CRB2: variants seen among roughly 807,000 people sequenced by gnomAD.
CRB2 encodes crumbs cell polarity complex component 2, also known as protein crumbs homolog 2.
Under a neutral mutation model 110.9 loss-of-function variants are expected in CRB2, and 85 were observed. That is an observed-to-expected ratio of 0.77 (90% CI 0.64 to 0.92). The LOEUF is 0.92. Among genes scored for constraint, CRB2 ranks in the 40% least tolerant of loss-of-function variants. The pLI is 0.00. For missense variants in CRB2, 1,843 were observed against 1,851.3 expected, an observed-to-expected ratio of 1.00 and a Z score of 0.08; for synonymous variants, 907 against 831.0, an observed-to-expected ratio of 1.09 and a Z score of -1.57.
intron 1 of CRB2, among the ~76,000 whole-genome samples, chr9:123,358,696 C>G (rs962803776): frequency 3.9e-5 from 6 of 152,200 alleles, no homozygotes; most frequent in African/African-American, 1.4e-4. Flanking sequence ...GATGGCCAGT[C>G]CCAGAGCCAG....
rs373493381 is a variant in CRB2 at position 123,373,705 on chromosome 9, C to A, written c.3174C>A (p.Pro1058=). The change falls in exon 10 of 13, where the codon CCC becomes CCA. Residue 1058 remains proline (P), a synonymous_variant. Transcript: ENST00000373631. The stretch of plus-strand genomic sequence containing the variant: ...CGATCCTCGGCTGCCGCGGCGCGCC[C>A]GTGTGTGCGCCCTCGCCCTGTCTGC... The part of the protein sequence containing the change: ...PAPILGCRGA[P]VCAPSPCLHD... The A allele has an allele frequency of 2.1e-5, 32 of 1,508,872 alleles. No individual in the cohort carries two copies. The African/African-American group carries it at 3.8e-4, about 18-fold the overall frequency. The allele number at this position is 1,508,872 out of a possible 1,614,324, so 93.5% of individuals were successfully genotyped here.
At chr9:123,374,488 G>C in intron 10 of CRB2, 91 bp from the exon 11 acceptor site, 3 of 868,402 alleles carry the variant, frequency 3.5e-6, no homozygotes, top group Non-Finnish European at 5.6e-6. Context: ...CCATACATGA[G>C]AACACAAGCT....
chr9:123,377,112 C>T lies in CRB2; in HGVS notation c.*50C>T, dbSNP rs1473812512. ...ACCTGGAGGTCCTGAATGGTTTCTA[C>T]CTGGAGACCCAAGGAAGCTGCTTCC... On this transcript the variant is annotated 3_prime_UTR_variant, in exon 13 of 13. Transcript: ENST00000373631. 1.4e-6 allele frequency: 2 copies of T among 1,440,622 alleles called. No individual in the cohort carries two copies. The highest frequency in any genetic ancestry group is 9.3e-7 in the Non-Finnish European group (1 of 1,080,834). The allele number at this position is 1,440,622 out of a possible 1,614,324, so 89.2% of individuals were successfully genotyped here. A position where few individuals can be genotyped will look rare whatever the true frequency, so the allele number is the denominator to read the frequency against.
rs2041885031 is a variant in CRB2 at position 123,362,944 on chromosome 9, T to C, written c.174T>C (p.Ser58=). 4 of 1,604,486 alleles carry C rather than the reference T, an allele frequency of 2.5e-6. No individual in the cohort carries two copies. The South Asian group carries it at 4.4e-5, about 18-fold the overall frequency. The change falls in exon 2 of 13, where the codon AGT becomes AGC. Residue 58 remains serine, a synonymous_variant. Coordinates refer to ENST00000373631, the MANE Select transcript of CRB2 (RefSeq NM_173689.7). ...APGTECQATE[S]GGYTCGPMEP... ...GGACCGAGTGCCAGGCTACCGAGAG[T>C]GGTGGCTATACCTGTGGGCCCATGG...
rs773244333 is a variant in CRB2 at position 123,363,086 on chromosome 9, G to A, written c.316G>A (p.Glu106Lys). 5.6e-6 allele frequency: 9 copies of A among 1,611,606 alleles called. No individual in the cohort carries two copies. Among genetic ancestry groups the A allele is most frequent in the South Asian group, 1.1e-5 (1 of 91,082 alleles). Residue 106 changes from glutamate (E) to lysine (K), a missense_variant, in exon 2 of 13, where the codon GAG becomes AAG. Transcript: ENST00000373631. ...CVPGFQGPRC[E>K]LDIDECASRP... ...GCCGGGTTTCCAGGGCCCACGCTGC[G>A]AGCTGGACATCGATGAGTGTGCATC...
chr9:123,373,191 C>T lies in CRB2; in HGVS notation c.2660C>T (p.Ala887Val), dbSNP rs878863391. ...CCCGCCGCGTTCAGCGGGCACAACG[C>T]GTCGTCAGGGCGCTTGCTCGGCGGC... The part of the protein sequence containing the change: ...GPPAAFSGHN[A>V]SSGRLLGGLS... The change falls in exon 10 of 13, where the codon GCG (alanine) becomes GTG (valine). Residue 887 changes from alanine (A) to valine (V), a missense_variant. Coordinates refer to ENST00000373631, the MANE Select transcript of CRB2 (RefSeq NM_173689.7). 4 of 1,514,042 alleles carry T rather than the reference C, an allele frequency of 2.6e-6. No individual in the cohort carries two copies. Among genetic ancestry groups the T allele is most frequent in the Non-Finnish European group, 3.5e-6 (4 of 1,137,602 alleles). 93.8% of individuals were successfully genotyped at this position (1,514,042 alleles called of 1,614,324 possible). A position where few individuals can be genotyped will look rare whatever the true frequency, so the allele number is the denominator to read the frequency against.
intron 10 of CRB2, 119 bp downstream of exon 10, chr9:123,374,039 T>A: frequency 8.9e-6 from 11 of 1,233,402 alleles, no homozygotes; most frequent in South Asian, 1.3e-5. Context: ...TGTCCTTATC[T>A]GTGACATGAG....
chr9:123,366,493 G>A, intron 4 of CRB2, 127 bp downstream of exon 4: 1 of 1,187,212 alleles, frequency 8.4e-7, no homozygotes. Flanking sequence ...CAGAGTGTGT[G>A]TGTGATTGCA....
At position 123,371,542 on chromosome 9, in the gene CRB2, C is replaced by A. The variant is rs765676223; in HGVS notation, c.2400C>A (p.Asn800Lys). The A allele has an allele frequency of 7.4e-6, 12 of 1,613,132 alleles. No individual in the cohort carries two copies. The highest frequency in any genetic ancestry group is 1.1e-5 in the South Asian group (1 of 91,082). ...PSELGGRQSW[N>K]LTAGCVSEDM... ...AGCTCGGCGGCAGGCAGTCCTGGAA[C>A]CTCACTGCGGGCTGCGTCTCCGAGG... is the stretch of plus-strand genomic sequence containing the variant. Residue 800 changes from asparagine (N) to lysine (K), a missense_variant, in exon 8 of 13, where the codon AAC becomes AAA. Coordinates refer to ENST00000373631, the MANE Select transcript of CRB2 (RefSeq NM_173689.7).
Position 123,371,515 on chromosome 9 carries a change from C to T in CRB2, c.2373C>T (p.Ser791=), listed in dbSNP as rs370786302. 27 of 1,613,166 alleles carry T rather than the reference C, an allele frequency of 1.7e-5. No homozygotes were observed. Among genetic ancestry groups the T allele is most frequent in the South Asian group, 5.5e-5 (5 of 91,076 alleles). ...PLPLDNSSQP[S]ELGGRQSWNL... is the part of the protein sequence containing the mutation. Reference sequence around the variant, plus strand: ...CACTGGATAACTCAAGCCAGCCCAGCGAGCTCGGCGGCAGGCAGTCCTGGA... The same window carrying T: ...CACTGGATAACTCAAGCCAGCCCAGTGAGCTCGGCGGCAGGCAGTCCTGGA... Residue 791 remains serine (S), a synonymous_variant, in exon 8 of 13, where the codon AGC becomes AGT. Coordinates refer to ENST00000373631, the MANE Select transcript of CRB2 (RefSeq NM_173689.7).
At position 123,374,609 on chromosome 9, in the gene CRB2, G is replaced by C. The variant is rs772262353; in HGVS notation, c.3420G>C (p.Leu1140=). The stretch of plus-strand genomic sequence containing the variant: ...CTGTCCCATCCAAGGAGTGCAGCCT[G>C]AATGTCACCTGCCTCGATGGCAGCC... ...RLPVPSKECS[L]NVTCLDGSPC... Residue 1140 remains leucine, a synonymous_variant, in exon 11 of 13, where the codon CTG becomes CTC. Transcript: ENST00000373631. 2.5e-6 allele frequency: 4 copies of C among 1,613,530 alleles called. No homozygotes were observed. The highest frequency in any genetic ancestry group is 3.4e-6 in the Non-Finnish European group (4 of 1,179,948).
intron 9 of CRB2, among the ~76,000 whole-genome samples, chr9:123,372,893 C>T (rs929776696): frequency 1.3e-5 from 2 of 152,200 alleles, no homozygotes; most frequent in Non-Finnish European, 2.9e-5. Context: ...GGAGGGTCGC[C>T]TAGGCATCAC....
chr9:123,376,949 C>A lies in CRB2; in HGVS notation c.3745C>A (p.Arg1249=). 1.2e-6 allele frequency: 2 copies of A among 1,604,792 alleles called. No homozygotes were observed. The highest frequency in any genetic ancestry group is 2.2e-5 in the East Asian group (1 of 44,496). The change falls in exon 13 of 13, where the codon CGA becomes AGA. Residue 1249 remains arginine (R), a synonymous_variant. Coordinates refer to ENST00000373631, the MANE Select transcript of CRB2 (RefSeq NM_173689.7). ...CCTCCTTTCAGGGATCCTGGCAGCC[C>A]GAAAGCGCCGCCAGTCTGAGGGCAC... The part of the protein sequence containing the change: ...LGLLSGILAA[R]KRRQSEGTYS...
At chr9:123,365,084 A>G (rs1051275368) in intron 2 of CRB2, among the ~76,000 whole-genome samples, 2 of 152,188 alleles carry the variant, frequency 1.3e-5, no homozygotes, top group Admixed American at 1.3e-4. Flanking sequence ...CAACATGGTG[A>G]AACGCCTTTT....
chr9:123,377,972 CCTT>C lies in CRB2; in HGVS notation c.*913_*915del, dbSNP rs2042129361. 1 of 152,350 alleles carries C rather than the reference CCTT, an allele frequency of 6.6e-6. No homozygotes were observed. Among genetic ancestry groups the C allele is most frequent in the Admixed American group, 6.5e-5 (1 of 15,286 alleles). The allele number at this position is 152,350 out of a possible 1,614,324, so 9.4% of individuals were successfully genotyped here. On this transcript the variant is annotated 3_prime_UTR_variant, in exon 13 of 13. Coordinates refer to ENST00000373631, the MANE Select transcript of CRB2 (RefSeq NM_173689.7). ...CTGATGGGAAGGACCGTCTGGGTGTCCTTCTGGGATGAGGATGACAGAGCAACC... is the reference window on the plus strand; with the variant it reads ...CTGATGGGAAGGACCGTCTGGGTGTCCTGGGATGAGGATGACAGAGCAACC...
chr9:123,363,040 C>G lies in CRB2; in HGVS notation c.270C>G (p.Thr90=), dbSNP rs140031022. Residue 90 remains threonine, a synonymous_variant, in exon 2 of 13, where the codon ACC becomes ACG. Coordinates refer to ENST00000373631, the MANE Select transcript of CRB2 (RefSeq NM_173689.7). ...ALCVPQGPDP[T]GFRCYCVPGF... is the part of the protein sequence containing the mutation. ...GTGTGCCCCAGGGTCCAGATCCCACCGGCTTCCGCTGCTACTGCGTGCCGG... is the reference window on the plus strand; with the variant it reads ...GTGTGCCCCAGGGTCCAGATCCCACGGGCTTCCGCTGCTACTGCGTGCCGG... The G allele has an allele frequency of 6.2e-7, 1 of 1,611,998 alleles. No homozygotes were observed. Among genetic ancestry groups the G allele is most frequent in the South Asian group, 1.1e-5 (1 of 91,084 alleles).
intron 1 of CRB2, among the ~76,000 whole-genome samples, chr9:123,362,620 C>T (rs2041881097): frequency 6.6e-6 from 1 of 152,132 alleles, no homozygotes; most frequent in East Asian, 1.9e-4. Context: ...TAATCCTGCC[C>T]AGAAGCCAGA....
rs1336983808 is a variant in CRB2, at chr9:123,377,022, ACAGTGTCCT to A, written c.3821_3829del (p.Ser1274_Leu1276del). ...GTGGCTGGGGCCCGGCTGGAGATGG[ACAGTGTCCT>A]CAAGGTGCCACCGGAGGAGAGACTC... is the stretch of plus-strand genomic sequence containing the variant. On this transcript the variant is annotated inframe_deletion, in exon 13 of 13. Coordinates refer to ENST00000373631, the MANE Select transcript of CRB2 (RefSeq NM_173689.7). 1 of 1,606,248 alleles carries A rather than the reference ACAGTGTCCT, an allele frequency of 6.2e-7. No individual in the cohort carries two copies. Among genetic ancestry groups the A allele is most frequent in the Admixed American group, 1.7e-5 (1 of 59,334 alleles).
In CRB2 at chr9:123,370,173, A is replaced by G; in HGVS notation, c.1120A>G (p.Ser374Gly). The G allele has an allele frequency of 1.2e-6, 2 of 1,611,724 alleles. No individual in the cohort carries two copies. Among genetic ancestry groups the G allele is most frequent in the South Asian group, 1.1e-5 (1 of 91,004 alleles). Residue 374 changes from serine (S) to glycine (G), a missense_variant, in exon 7 of 13, where the codon AGT becomes GGT. Transcript: ENST00000373631. ...TCCCTGCCTGCACGGCGGAACCTGC[A>G]GTGACACTGTGGCAGGCTATATCTG... ...SDPCLHGGTC[S>G]DTVAGYICRC...
Sources: allele counts gnomAD v4.1 joint callset (sites outside exome capture counted in the v4.1 genomes callset), GRCh38; gene constraint gnomAD v4.1.1; transcripts MANE v1.5; gene names NCBI Gene and HGNC (gene_info 2026-07-23, HGNC 2026-07-21).